The following CACNA2D3 variants were observed in gnomAD, a reference collection of about 807,000 sequenced individuals.
The protein encoded by CACNA2D3 is calcium voltage-gated channel auxiliary subunit alpha2delta 3, also known as voltage-dependent calcium channel subunit alpha-2/delta-3.
CACNA2D3 carries 60 observed loss-of-function variants against 160.6 expected under a neutral mutation model. The ratio of observed to expected loss-of-function variants is 0.37; its 90% CI spans 0.30 to 0.46. The LOEUF is 0.46. CACNA2D3 is among the 20% of genes least tolerant of loss of function. CACNA2D3 has a pLI of 1.00. For missense variants in CACNA2D3, 1,205 were observed against 1,365.0 expected, an observed-to-expected ratio of 0.88 and a Z score of 1.85; for synonymous variants, 558 against 492.9, an observed-to-expected ratio of 1.13 and a Z score of -1.75.
At chr3:55,016,663 T>C (rs1703332816) in intron 34 of CACNA2D3, among the ~76,000 whole-genome samples, 1 of 152,208 alleles carries the variant, frequency 6.6e-6, no homozygotes. Context: ...TCCTGTGAGG[T>C]TACTATAGAC....
At chr3:54,642,268 C>A in intron 11 of CACNA2D3, 27 bp downstream of exon 11, 1 of 1,365,790 alleles carries the variant, frequency 7.3e-7, no homozygotes. Flanking sequence ...CCCGTCTGTG[C>A]GGTGGACTCC....
intron 2 of CACNA2D3, among the ~76,000 whole-genome samples, chr3:54,210,908 T>G (rs1442956474): frequency 6.6e-6 from 1 of 152,136 alleles, no homozygotes; most frequent in Non-Finnish European, 1.5e-5. Context: ...GTACCCATGT[T>G]TTAATGGAGG....
chr3:54,981,198 T>C (rs140555460), intron 29 of CACNA2D3, among the ~76,000 whole-genome samples: 3 of 152,316 alleles, frequency 2.0e-5, no homozygotes, highest in East Asian at 3.9e-4. Context: ...TTTTTCTTTT[T>C]TCAGGGATGT....
At chr3:54,140,564 C>T (rs1348735421) in intron 2 of CACNA2D3, among the ~76,000 whole-genome samples, 1 of 152,222 alleles carries the variant, frequency 6.6e-6, no homozygotes, top group African/African-American at 2.4e-5. Flanking sequence ...AAGGTGACTG[C>T]TAGCAGAGGA....
At chr3:54,873,072 T>C (rs1456780280) in intron 18 of CACNA2D3, among the ~76,000 whole-genome samples, 1 of 152,052 alleles carries the variant, frequency 6.6e-6, no homozygotes, top group Non-Finnish European at 1.5e-5. Context: ...CTCTCTAGAC[T>C]TCAGTTTTAT....
chr3:54,372,878 T>G (rs558383258), intron 3 of CACNA2D3, among the ~76,000 whole-genome samples: 6 of 152,364 alleles, frequency 3.9e-5, no homozygotes, highest in African/African-American at 1.4e-4. Context: ...GGTGAAAATG[T>G]CATTCCTTGA....
chr3:54,388,525 G>A (rs1699227414), intron 4 of CACNA2D3, among the ~76,000 whole-genome samples: 1 of 152,214 alleles, frequency 6.6e-6, no homozygotes, highest in South Asian at 2.1e-4. Flanking sequence ...GCATAAGAGG[G>A]GAATGAGGAG....
In CACNA2D3 at chr3:54,172,464, TC is replaced by T. The variant is rs896540804; in HGVS notation, c.204+48872del. 8.3e-4 allele frequency among the ~76,000 whole-genome samples: 126 copies of T among 152,302 alleles called. 1 individual carries two copies. In the Middle Eastern group the frequency reaches 0.02, roughly 25 times the overall value. On this transcript the variant is annotated intron_variant, in intron 2 of 37. Transcript: ENST00000474759. ...GTACATTTTAAAATGTGGTCTCGCT[TC>T]CTGAATGGCCCACTACATATAGGTG...
intron 4 of CACNA2D3, among the ~76,000 whole-genome samples, chr3:54,450,694 CACCATA>C (rs1700291490): frequency 6.6e-6 from 1 of 152,134 alleles, no homozygotes; most frequent in Non-Finnish European, 1.5e-5. Context: ...CTTCACCTTC[CACCATA>C]GTGGAAGGAG....
intron 17 of CACNA2D3, among the ~76,000 whole-genome samples, chr3:54,847,718 A>C (rs1698966323): frequency 6.6e-6 from 1 of 152,256 alleles, no homozygotes; most frequent in Admixed American, 6.5e-5. Context: ...TGTAACTCAG[A>C]ATTATTGAAA....
In CACNA2D3 at chr3:55,049,774, A is replaced by C. The variant is rs1163912754; in HGVS notation, c.2988-23671A>C. ...TAGGTCACTGAGGACTTGCTTTATG[A>C]ATCTGGGTGCTCCTGTATTGGGTGC... On this transcript the variant is annotated intron_variant, in intron 35 of 37. Coordinates refer to ENST00000474759, the MANE Select transcript of CACNA2D3 (RefSeq NM_018398.3). 2.0e-5 allele frequency among the ~76,000 whole-genome samples: 3 copies of C among 149,656 alleles called. No individual in the cohort carries two copies. In the East Asian group the frequency reaches 5.8e-4, roughly 29 times the overall value.
intron 3 of CACNA2D3, among the ~76,000 whole-genome samples, chr3:54,327,147 A>G (rs2107514010): frequency 6.6e-6 from 1 of 152,344 alleles, no homozygotes; most frequent in South Asian, 2.1e-4. Flanking sequence ...TTTCACCCCA[A>G]ATGGGCCCAG....
intron 3 of CACNA2D3, among the ~76,000 whole-genome samples, chr3:54,330,208 ATATG>A (rs901317071): frequency 3.9e-5 from 4 of 103,496 alleles, no homozygotes; most frequent in African/African-American, 1.2e-4. Flanking sequence ...TTTTTAATTG[ATATG>A]TGTGTGTGTG....
rs911278042 is a variant in CACNA2D3, at chr3:54,729,596, C to A, written c.1168-23003C>A. On this transcript the variant is annotated intron_variant, in intron 11 of 37. Coordinates refer to ENST00000474759, the MANE Select transcript of CACNA2D3 (RefSeq NM_018398.3). ...TAGCACAGAAATGCCAGCTTTCCTC[C>A]ATTCGAGTGTTATCAATAAGAGTAT... Among the ~76,000 whole-genome samples the A allele has an allele frequency of 2.4e-4, 36 of 152,206 alleles. 1 individual carries two copies. The highest frequency in any genetic ancestry group is 8.8e-5 in the Non-Finnish European group (6 of 68,030).
At chr3:54,152,401 A>G (rs1031592116) in intron 2 of CACNA2D3, among the ~76,000 whole-genome samples, 1 of 152,244 alleles carries the variant, frequency 6.6e-6, no homozygotes, top group Non-Finnish European at 1.5e-5. Context: ...ACTTAAAAAA[A>G]AATCCATGAG....
intron 3 of CACNA2D3, among the ~76,000 whole-genome samples, chr3:54,372,775 C>T (rs945739661): frequency 1.3e-5 from 2 of 152,144 alleles, no homozygotes; most frequent in Admixed American, 1.3e-4. Flanking sequence ...AATTTCAGTT[C>T]ATTACCTGGG....
intron 2 of CACNA2D3, among the ~76,000 whole-genome samples, chr3:54,191,102 C>T (rs758266154): frequency 1.3e-5 from 2 of 150,080 alleles, no homozygotes; most frequent in South Asian, 4.2e-4. Context: ...TAATCAGTCA[C>T]GATAAACCCA....
At chr3:54,204,012 C>A (rs1264629448) in intron 2 of CACNA2D3, among the ~76,000 whole-genome samples, 1 of 151,990 alleles carries the variant, frequency 6.6e-6, no homozygotes, top group African/African-American at 2.4e-5. Flanking sequence ...CACTTCCTGC[C>A]TGCTCCTGTA....
intron 30 of CACNA2D3, among the ~76,000 whole-genome samples, chr3:54,986,069 T>C (rs1368340221): frequency 6.6e-6 from 1 of 152,140 alleles, no homozygotes; most frequent in African/African-American, 2.4e-5. Flanking sequence ...CAAGAATCTA[T>C]GGAGCAAGAA....
Sources: allele counts gnomAD v4.1 joint callset (sites outside exome capture counted in the v4.1 genomes callset), GRCh38; gene constraint gnomAD v4.1.1; transcripts MANE v1.5; gene names NCBI Gene and HGNC (gene_info 2026-07-23, HGNC 2026-07-21).